The following MSRA variants were observed in gnomAD, a reference collection of about 807,000 sequenced individuals.
MSRA encodes methionine sulfoxide reductase A, also known as mitochondrial peptide methionine sulfoxide reductase.
Under a neutral mutation model 31.3 loss-of-function variants are expected in MSRA, and 54 were observed. The ratio of observed to expected loss-of-function variants is 1.73; its 90% CI spans 1.39 to 2.17. The LOEUF (loss-of-function observed/expected upper bound fraction) is 2.17, where lower values mean the gene tolerates loss of function less well. Among genes scored for constraint, MSRA ranks in the 30% most tolerant of loss-of-function variants. The pLI is 0.00. For synonymous variants in MSRA, 169 were observed against 116.5 expected (o/e 1.45, Z -2.90); for missense variants, 507 against 300.9 (o/e 1.69, Z -5.07).
chr8:10,415,956 C>T (rs946353661), intron 5 of MSRA, among the ~76,000 whole-genome samples: 9 of 152,068 alleles, frequency 5.9e-5, no homozygotes, highest in Non-Finnish European at 1.2e-4. Flanking sequence ...CTCTGCCTCG[C>T]GTGGTGGATA....
intron 2 of MSRA, among the ~76,000 whole-genome samples, chr8:10,217,289 C>T (rs1290061798): frequency 1.3e-5 from 2 of 152,184 alleles, no homozygotes; most frequent in African/African-American, 4.8e-5. Context: ...GTGAGCGGCG[C>T]GCAAGTCTCG....
At chr8:10,255,237 G>A (rs1285499735) in intron 3 of MSRA, among the ~76,000 whole-genome samples, 1 of 152,206 alleles carries the variant, frequency 6.6e-6, no homozygotes, top group Non-Finnish European at 1.5e-5. Context: ...CTAGCCCACT[G>A]CAAGGCTGCA....
intron 5 of MSRA, among the ~76,000 whole-genome samples, chr8:10,379,701 A>G (rs1334359737): frequency 4.6e-5 from 7 of 152,170 alleles, no homozygotes; most frequent in South Asian, 2.1e-4. Flanking sequence ...ACATAACACT[A>G]AGATTATTTT....
chr8:10,090,817 T>C (rs1798815316), intron 1 of MSRA, among the ~76,000 whole-genome samples: 2 of 152,244 alleles, frequency 1.3e-5, no homozygotes, highest in Admixed American at 1.3e-4. Context: ...CTTTTTCATT[T>C]AGCATACTTT....
chr8:10,390,988 AAAAAACAGCAC>A (rs1024482676), intron 5 of MSRA, among the ~76,000 whole-genome samples: 14 of 151,494 alleles, frequency 9.2e-5, no homozygotes, highest in Non-Finnish European at 1.8e-4. Context: ...AGAAAAAAAA[AAAAAACAGCAC>A]AAGGTGCTGT....
chr8:10,401,954 GT>G (rs1484557889), intron 5 of MSRA, among the ~76,000 whole-genome samples: 1 of 152,196 alleles, frequency 6.6e-6, no homozygotes, highest in African/African-American at 2.4e-5. Context: ...GATGATGACA[GT>G]TTTTGAAAAT....
intron 1 of MSRA, among the ~76,000 whole-genome samples, chr8:10,056,699 G>A (rs1389944802): frequency 6.6e-6 from 1 of 152,130 alleles, no homozygotes; most frequent in Non-Finnish European, 1.5e-5. Context: ...GAAATGGGCA[G>A]TGTTACCTCT....
At chr8:10,121,323 A>G (rs776929600) in intron 1 of MSRA, among the ~76,000 whole-genome samples, 13 of 152,164 alleles carry the variant, frequency 8.5e-5, no homozygotes, top group Non-Finnish European at 1.9e-4. Flanking sequence ...CTGGAGAAGG[A>G]CTTGTGGGCA....
intron 1 of MSRA, among the ~76,000 whole-genome samples, chr8:10,156,915 G>A (rs1205099036): frequency 4.0e-5 from 6 of 149,344 alleles, no homozygotes; most frequent in Non-Finnish European, 7.4e-5. Flanking sequence ...ACATGGGAGC[G>A]CATAACAATA....
chr8:10,168,732 T>C (rs1805355356), intron 1 of MSRA, among the ~76,000 whole-genome samples: 1 of 152,204 alleles, frequency 6.6e-6, no homozygotes, highest in Non-Finnish European at 1.5e-5. Context: ...TTGCGGGGAT[T>C]TGAGCTCTCA....
Position 10,428,339 on chromosome 8 carries a change from G to A in MSRA, c.*27G>A, listed in dbSNP as rs750932617. The A allele has an allele frequency of 1.2e-6, 2 of 1,607,888 alleles. No individual in the cohort carries two copies. The highest frequency in any genetic ancestry group is 1.7e-6 in the Non-Finnish European group (2 of 1,178,142). ...TTCTCCCCACATGGTGGGCCTTTGA[G>A]GTTCCAGTAAAAATGCTTTCAACAA... On this transcript the variant is annotated 3_prime_UTR_variant, in exon 6 of 6. Coordinates refer to ENST00000317173, the MANE Select transcript of MSRA (RefSeq NM_012331.5).
rs980289892 is a variant in MSRA at position 10,141,315 on chromosome 8, A to T, written c.143-66518A>T. Among the ~76,000 whole-genome samples the T allele has an allele frequency of 4.4e-4, 67 of 152,230 alleles. 1 individual carries two copies. The highest frequency in any genetic ancestry group is 1.5e-3 in the African/African-American group (64 of 41,464). Reference sequence around the variant, plus strand: ...CTGCCATTTCCCCACTTCAGAGGTGAGGAAGCAGACCTAGAAAAGTTTCCA... The same window carrying T: ...CTGCCATTTCCCCACTTCAGAGGTGTGGAAGCAGACCTAGAAAAGTTTCCA... On this transcript the variant is annotated intron_variant, in intron 1 of 5. Transcript: ENST00000317173.
chr8:10,211,294 G>T (rs1392567330), intron 2 of MSRA, among the ~76,000 whole-genome samples: 1 of 152,158 alleles, frequency 6.6e-6, no homozygotes, highest in Non-Finnish European at 1.5e-5. Context: ...CTGGCATACA[G>T]TCTTCACAGA....
intron 1 of MSRA, among the ~76,000 whole-genome samples, chr8:10,079,391 G>T (rs560357260): frequency 6.6e-6 from 1 of 152,104 alleles, no homozygotes; most frequent in Non-Finnish European, 1.5e-5. Flanking sequence ...GTGGGCTCAA[G>T]CAATCTGCCT....
intron 1 of MSRA, among the ~76,000 whole-genome samples, chr8:10,135,739 C>T (rs977778876): frequency 2.6e-5 from 4 of 152,152 alleles, no homozygotes; most frequent in African/African-American, 4.8e-5. Flanking sequence ...AGCCAAATAT[C>T]GGTAATTCCA....
chr8:10,182,702 C>T (rs866168617), intron 1 of MSRA, among the ~76,000 whole-genome samples: 5 of 152,192 alleles, frequency 3.3e-5, no homozygotes, highest in Admixed American at 1.3e-4. Context: ...CCATTGGGCT[C>T]AGGGCCTCAT....
intron 1 of MSRA, among the ~76,000 whole-genome samples, chr8:10,074,352 G>C (rs1388963822): frequency 6.6e-6 from 1 of 151,938 alleles, no homozygotes; most frequent in Non-Finnish European, 1.5e-5. Flanking sequence ...AAAGTGCTGG[G>C]ATTACAGGTG....
At chr8:10,330,006 A>ATGTGTGTGTGTGTGTG (rs72198519) in intron 5 of MSRA, among the ~76,000 whole-genome samples, 7 of 135,378 alleles carry the variant, frequency 5.2e-5, no homozygotes, top group Non-Finnish European at 7.8e-5. Flanking sequence ...AGAGAAAAAA[A>ATGTGTGTGTGTGTGTG]TGTGTGTGTG....
chr8:10,213,542 T>C (rs1259091423), intron 2 of MSRA, among the ~76,000 whole-genome samples: 1 of 145,386 alleles, frequency 6.9e-6, no homozygotes, highest in East Asian at 2.2e-4. Context: ...GTTCAAGCAA[T>C]TCTCCTGCCT....
Sources: allele counts gnomAD v4.1 joint callset (sites outside exome capture counted in the v4.1 genomes callset), GRCh38; gene constraint gnomAD v4.1.1; transcripts MANE v1.5; gene names NCBI Gene and HGNC (gene_info 2026-07-23, HGNC 2026-07-21).